The following ALS2 variants were observed in gnomAD, a reference collection of about 807,000 sequenced individuals.
The protein encoded by ALS2 is alsin.
Under a neutral mutation model 203.4 loss-of-function variants are expected in ALS2, and 117 were observed. That is an observed-to-expected ratio of 0.58 (90% CI 0.50 to 0.67). The LOEUF (loss-of-function observed/expected upper bound fraction) is 0.67. ALS2 is among the 30% of genes least tolerant of loss of function. ALS2 has a pLI of 0.00. For missense variants in ALS2, 1,715 were observed against 1,989.4 expected, an observed-to-expected ratio of 0.86 and a Z score of 2.62; for synonymous variants, 718 against 725.9, an observed-to-expected ratio of 0.99 and a Z score of 0.17.
At chr2:201,721,505 A>G (rs1340968172) in intron 23 of ALS2, among the ~76,000 whole-genome samples, 2 of 152,136 alleles carry the variant, frequency 1.3e-5, no homozygotes, top group Non-Finnish European at 2.9e-5. Flanking sequence ...AAATAAACAC[A>G]TTTTCTGGTC....
intron 8 of ALS2, 82 bp downstream of exon 8, chr2:201,749,630 A>G (rs1044263228): frequency 2.3e-6 from 3 of 1,294,988 alleles, no homozygotes; most frequent in African/African-American, 2.9e-5. Flanking sequence ...TTCCCCCGAT[A>G]TTTTAAAATA....
intron 1 of ALS2, among the ~76,000 whole-genome samples, chr2:201,773,919 T>G (rs1694537544): frequency 6.6e-6 from 1 of 152,114 alleles, no homozygotes; most frequent in African/African-American, 2.4e-5. Context: ...GTAAGATAAC[T>G]AAAGTGTCCA....
At chr2:201,703,224 C>A (rs898802474) in intron 33 of ALS2, among the ~76,000 whole-genome samples, 11 of 152,156 alleles carry the variant, frequency 7.2e-5, no homozygotes, top group African/African-American at 2.7e-4. Flanking sequence ...ATTTACCTGT[C>A]TTTCCTTCTC....
intron 1 of ALS2, among the ~76,000 whole-genome samples, chr2:201,773,531 T>G (rs908046991): frequency 6.6e-6 from 1 of 152,208 alleles, no homozygotes; most frequent in Non-Finnish European, 1.5e-5. Context: ...GATACGATTC[T>G]GAAGCAAAGA....
chr2:201,731,771 G>C (rs750649413), intron 13 of ALS2, among the ~76,000 whole-genome samples: 1 of 152,136 alleles, frequency 6.6e-6, no homozygotes, highest in Non-Finnish European at 1.5e-5. Flanking sequence ...AAGGGCCATT[G>C]ATATAACATG....
chr2:201,743,739 T>C (rs1308268057), intron 10 of ALS2, among the ~76,000 whole-genome samples: 2 of 152,094 alleles, frequency 1.3e-5, no homozygotes, highest in East Asian at 3.9e-4. Context: ...CCTCCCAGAG[T>C]GCTGGGATTA....
At position 201,701,527 on chromosome 2, in the gene ALS2, A is replaced by G; in HGVS notation, c.*324T>C. 1 of 216,808 alleles carries G rather than the reference A, an allele frequency of 4.6e-6. No homozygotes were observed. Among genetic ancestry groups the G allele is most frequent in the East Asian group, 1.0e-4 (1 of 9,880 alleles). 13.4% of individuals were successfully genotyped at this position (216,808 alleles called of 1,614,324 possible). Reference sequence around the variant, plus strand: ...TACTGGAAGCTTTTCTTACAACTTCATGTAGCTGACATACCCTTTACTGTA... The same window carrying G: ...TACTGGAAGCTTTTCTTACAACTTCGTGTAGCTGACATACCCTTTACTGTA... On this transcript the variant is annotated 3_prime_UTR_variant, in exon 34 of 34. Transcript: ENST00000264276.
rs572036838 is a variant in ALS2, at chr2:201,776,285, T to A, written c.-61+4592A>T. Among the ~76,000 whole-genome samples the A allele has an allele frequency of 3.9e-5, 6 of 152,306 alleles. No individual in the cohort carries two copies. In the South Asian group the frequency reaches 6.2e-4, roughly 16 times the overall value. On this transcript the variant is annotated intron_variant, in intron 1 of 33. Coordinates refer to ENST00000264276, the MANE Select transcript of ALS2 (RefSeq NM_020919.4). ...ACAGGAAGACTTTACAGTCTTTTTT[T>A]AATGCCTTGCTAATTTCATGCTGAA...
Position 201,701,791 on chromosome 2 carries a change from C to T in ALS2, c.*60G>A. 1.3e-6 allele frequency: 2 copies of T among 1,507,468 alleles called. No individual in the cohort carries two copies. The highest frequency in any genetic ancestry group is 2.3e-5 in the South Asian group (2 of 88,716). The allele number at this position is 1,507,468 out of a possible 1,614,324, so 93.4% of individuals were successfully genotyped here. A position where few individuals can be genotyped will look rare whatever the true frequency, so the allele number is the denominator to read the frequency against. Reference sequence around the variant, plus strand: ...GTTCTTTTTTGCCACTACAGGAAGACTCCAGATGGTGTTATAACACTCTGT... The same window carrying T: ...GTTCTTTTTTGCCACTACAGGAAGATTCCAGATGGTGTTATAACACTCTGT... On this transcript the variant is annotated 3_prime_UTR_variant, in exon 34 of 34. Transcript: ENST00000264276.
At chr2:201,779,308 A>G (rs1276257800) in intron 1 of ALS2, among the ~76,000 whole-genome samples, 1 of 152,204 alleles carries the variant, frequency 6.6e-6, no homozygotes, top group Non-Finnish European at 1.5e-5. Context: ...GGATCATTAC[A>G]GTTTCAAATT....
intron 10 of ALS2, among the ~76,000 whole-genome samples, chr2:201,743,070 CAAA>C (rs760707229): frequency 2.6e-5 from 3 of 114,770 alleles, no homozygotes. Context: ...GACTCTGTCT[CAAA>C]AAAAAAAAAA....
At chr2:201,779,355 T>C (rs1694797354) in intron 1 of ALS2, among the ~76,000 whole-genome samples, 1 of 152,240 alleles carries the variant, frequency 6.6e-6, no homozygotes, top group East Asian at 1.9e-4. Flanking sequence ...TTTCTTGCTA[T>C]AATTATGAAT....
chr2:201,739,341 A>G (rs1472644313), intron 11 of ALS2, among the ~76,000 whole-genome samples: 1 of 152,070 alleles, frequency 6.6e-6, no homozygotes, highest in Non-Finnish European at 1.5e-5. Context: ...ACCAAGCAAT[A>G]TCTATTACGT....
intron 3 of ALS2, among the ~76,000 whole-genome samples, chr2:201,764,991 G>A (rs376559746): frequency 3.3e-5 from 5 of 151,670 alleles, no homozygotes; most frequent in African/African-American, 7.3e-5. Flanking sequence ...GTTTATAGTC[G>A]AATAACTTTT....
Position 201,701,347 on chromosome 2 carries a change from C to T in ALS2, c.*504G>A, listed in dbSNP as rs183326117. 1.5e-4 allele frequency: 23 copies of T among 153,982 alleles called. No homozygotes were observed. Among genetic ancestry groups the T allele is most frequent in the Non-Finnish European group, 2.2e-4 (15 of 68,840 alleles). 9.5% of individuals were successfully genotyped at this position (153,982 alleles called of 1,614,324 possible). Reference sequence around the variant, plus strand: ...CCTCCCTTGGCAAAGAGACATGATGCACACATGACTGGAAGGGACTCAGGA... The same window carrying T: ...CCTCCCTTGGCAAAGAGACATGATGTACACATGACTGGAAGGGACTCAGGA... On this transcript the variant is annotated 3_prime_UTR_variant, in exon 34 of 34. Coordinates refer to ENST00000264276, the MANE Select transcript of ALS2 (RefSeq NM_020919.4).
chr2:201,703,458 C>G (rs1182059932), intron 33 of ALS2, among the ~76,000 whole-genome samples: 1 of 152,178 alleles, frequency 6.6e-6, no homozygotes, highest in Non-Finnish European at 1.5e-5. Flanking sequence ...ATTCCTGTGA[C>G]AGTCACATAC....
chr2:201,709,616 T>C (rs1230432450), intron 27 of ALS2, among the ~76,000 whole-genome samples: 4 of 152,224 alleles, frequency 2.6e-5, no homozygotes, highest in African/African-American at 7.2e-5. Flanking sequence ...ACGACTACTA[T>C]ACTTCATACC....
rs752212466 is a variant in ALS2, at chr2:201,723,345, G to T, written c.3609C>A (p.His1203Gln). The change falls in exon 22 of 34, where the codon CAC becomes CAA. Residue 1203 changes from histidine (H) to glutamine (Q), a missense_variant. Coordinates refer to ENST00000264276, the MANE Select transcript of ALS2 (RefSeq NM_020919.4). ...TTCCACTCACCATCATTTTATTAAG[G>T]TGAAAGTTGCCCTCGTAGTATAATC... ...QFGLYYEGNF[H>Q]LNKMMGNGVL... 6 of 1,611,296 alleles carry T rather than the reference G, an allele frequency of 3.7e-6. No homozygotes were observed. The South Asian group carries it at 5.5e-5, about 15-fold the overall frequency.
chr2:201,706,794 T>C, intron 29 of ALS2, 52 bp downstream of exon 29: 3 of 1,598,242 alleles, frequency 1.9e-6, no homozygotes, highest in Non-Finnish European at 2.6e-6. Context: ...AATAATGCAG[T>C]TTGCATTTTA....
Sources: allele counts gnomAD v4.1 joint callset (sites outside exome capture counted in the v4.1 genomes callset), GRCh38; gene constraint gnomAD v4.1.1; transcripts MANE v1.5; gene names NCBI Gene and HGNC (gene_info 2026-07-23, HGNC 2026-07-21).